Variants in CPNE9 observed in about 807,000 individuals in gnomAD.
CPNE9 encodes copine-9.
CPNE9 carries 59 observed loss-of-function variants against 83.0 expected under a neutral mutation model. The observed-to-expected ratio is 0.71, with a 90% confidence interval of 0.58 to 0.88. CPNE9 has a LOEUF of 0.88. Ranked by LOEUF, CPNE9 falls within the 40% of genes least tolerant of loss-of-function variation. The probability of loss-of-function intolerance (pLI) is 0.00; values close to 1 mark genes in which losing one functional copy is unlikely to be tolerated. For missense variants in CPNE9, 619 were observed against 720.8 expected (o/e 0.86, Z 1.62); for synonymous variants, 256 against 273.4 (o/e 0.94, Z 0.63).
chr3:9,709,603 C>T (rs925547205), intron 7 of CPNE9, among the ~76,000 whole-genome samples: 10 of 151,550 alleles, frequency 6.6e-5, no homozygotes, highest in Non-Finnish European at 1.5e-4. Flanking sequence ...CGCCTTACCT[C>T]GTGATCCACC....
chr3:9,728,081 T>A (rs56357590), intron 20 of CPNE9, among the ~76,000 whole-genome samples: 4,393 of 152,342 alleles, frequency 0.029, 74 homozygotes, highest in African/African-American at 0.057. Context: ...GGAGGAGATT[T>A]GGCAGAAAGA....
chr3:9,723,126 C>T (rs2076748237), intron 17 of CPNE9, among the ~76,000 whole-genome samples: 1 of 152,178 alleles, frequency 6.6e-6, no homozygotes, highest in African/African-American at 2.4e-5. Context: ...GGTACCAAGC[C>T]AGGTCTCTGA....
intron 7 of CPNE9, among the ~76,000 whole-genome samples, chr3:9,707,150 G>A (rs1322346046): frequency 2.6e-5 from 4 of 151,868 alleles, no homozygotes; most frequent in South Asian, 2.1e-4. Flanking sequence ...TCAGGAGATC[G>A]AGACCATCCT....
In CPNE9 at chr3:9,715,513, T is replaced by C; in HGVS notation, c.809T>C (p.Val270Ala). ...PRKKCKKKKY[V>A]NSGTVTLLSF... is the part of the protein sequence containing the mutation. ...AAGAAATGTAAGAAGAAGAAATATG[T>C]CAACTCAGGAACTGTGAGTGCTCCC... The change falls in exon 13 of 21, where the codon GTC becomes GCC. Residue 270 changes from valine (V) to alanine (A), a missense_variant. Around this residue, in one of 3 missense-constraint regions of CPNE9, gnomAD observed 438 missense variants for 562.9 expected, o/e 0.78. Transcript: ENST00000383832. 1 of 1,613,966 alleles carries C rather than the reference T, an allele frequency of 6.2e-7. No individual in the cohort carries two copies. Among genetic ancestry groups the C allele is most frequent in the Non-Finnish European group, 8.5e-7 (1 of 1,179,834 alleles).
rs1329404963 is a variant in CPNE9, at chr3:9,729,823, G to C, written c.*131G>C. On this transcript the variant is annotated 3_prime_UTR_variant, in exon 21 of 21. Transcript: ENST00000383832. ...TTGGAGGATCAGTGCTGGCTGACAA[G>C]CCCTCCGCCTCCTTGCCTGCAGAGG... 7.5e-7 allele frequency: 1 copy of C among 1,334,596 alleles called. No individual in the cohort carries two copies. The highest frequency in any genetic ancestry group is 1.5e-5 in the African/African-American group (1 of 67,952). 82.7% of individuals were successfully genotyped at this position (1,334,596 alleles called of 1,614,324 possible).
intron 19 of CPNE9, 105 bp downstream of exon 19, chr3:9,726,827 C>G: frequency 9.7e-7 from 1 of 1,028,482 alleles, no homozygotes; most frequent in Non-Finnish European, 1.5e-6. Context: ...GGTAGACACC[C>G]CCGTGTGAAG....
intron 17 of CPNE9, among the ~76,000 whole-genome samples, chr3:9,722,103 G>C (rs1448876449): frequency 2.0e-5 from 3 of 151,768 alleles, no homozygotes; most frequent in Non-Finnish European, 4.4e-5. Flanking sequence ...TTCTAGAAGA[G>C]ACGGAATTTC....
At chr3:9,711,120 G>A (rs113857662) in intron 7 of CPNE9, among the ~76,000 whole-genome samples, 10 of 152,112 alleles carry the variant, frequency 6.6e-5, no homozygotes, top group African/African-American at 1.9e-4. Context: ...TGGATGAGGT[G>A]GTAAGGGAGA....
intron 17 of CPNE9, among the ~76,000 whole-genome samples, chr3:9,721,229 G>C (rs2076731061): frequency 6.6e-6 from 1 of 152,178 alleles, no homozygotes; most frequent in African/African-American, 2.4e-5. Context: ...CTGTAGACCA[G>C]AGCTTCCCAG....
intron 17 of CPNE9, among the ~76,000 whole-genome samples, chr3:9,719,073 G>C (rs955601359): frequency 3.3e-4 from 50 of 152,034 alleles, no homozygotes; most frequent in African/African-American, 1.2e-3. Flanking sequence ...CCAACCTCAA[G>C]TGATCCACCT....
chr3:9,704,990 G>T lies in CPNE9; in HGVS notation c.256G>T (p.Asp86Tyr), dbSNP rs1473606936. Reference sequence around the variant, plus strand: ...TGAGGAAAAGCAAAATCTGCGCTTCGATGTGTGAGGCCCCGCCTGGAATTC... The same window carrying T: ...TGAGGAAAAGCAAAATCTGCGCTTCTATGTGTGAGGCCCCGCCTGGAATTC... ...FFEEKQNLRFDVYNVDSKTNI... is the reference protein window; with the variant it reads ...FFEEKQNLRFYVYNVDSKTNI... Residue 86 changes from aspartate (D) to tyrosine (Y), a missense_variant, in exon 4 of 21, where the codon GAT (aspartate) becomes TAT (tyrosine). By Grantham distance (160) the Asp-to-Tyr change is radical. Coordinates refer to ENST00000383832, the MANE Select transcript of CPNE9 (RefSeq NM_153635.3). This position sits in a 1 kb window ranked among gnomAD's most constrained non-coding sequence, Gnocchi z 7.1. The T allele has an allele frequency of 3.1e-6, 5 of 1,606,640 alleles. No homozygotes were observed. The highest frequency in any genetic ancestry group is 2.2e-5 in the South Asian group (2 of 90,094).
At chr3:9,720,080 A>C (rs1005881838) in intron 17 of CPNE9, among the ~76,000 whole-genome samples, 1 of 151,620 alleles carries the variant, frequency 6.6e-6, no homozygotes, top group African/African-American at 2.4e-5. Context: ...TGGCTTAAAA[A>C]ACCAGAGGGT....
chr3:9,725,604 G>GTGTATATA, intron 17 of CPNE9, among the ~76,000 whole-genome samples: 1 of 148,596 alleles, frequency 6.7e-6, no homozygotes, highest in Non-Finnish European at 1.5e-5. Flanking sequence ...ATGTGTATAT[G>GTGTATATA]TATGTGTATA....
rs188858301 is a variant in CPNE9 at position 9,709,441 on chromosome 3, C to T, written c.378-3100C>T. Among the ~76,000 whole-genome samples the T allele has an allele frequency of 9.3e-3, 1,379 of 148,910 alleles. 11 individuals are homozygous for T. Among genetic ancestry groups the T allele is most frequent in the Admixed American group, 0.013 (191 of 15,056 alleles). ...TGCAGTGGTGTGGTGTGATCTTGGC[C>T]CACTGCAACCTCTGCTGCCCGGGTT... On this transcript the variant is annotated intron_variant, in intron 7 of 20. Transcript: ENST00000383832.
chr3:9,713,756 T>A (rs113732776), intron 10 of CPNE9, among the ~76,000 whole-genome samples: 1 of 151,952 alleles, frequency 6.6e-6, no homozygotes, highest in African/African-American at 2.4e-5. Context: ...ACCAAATGAA[T>A]GAGTAAATGG....
chr3:9,707,217 G>C (rs1275840989), intron 7 of CPNE9, among the ~76,000 whole-genome samples: 2 of 151,972 alleles, frequency 1.3e-5, no homozygotes, highest in Non-Finnish European at 2.9e-5. Context: ...GCTAGGCATG[G>C]TGGTGGGTGC....
chr3:9,725,652 A>ATG (rs2076773627), intron 17 of CPNE9, among the ~76,000 whole-genome samples: 2 of 113,876 alleles, frequency 1.8e-5, no homozygotes, highest in African/African-American at 8.4e-5. Flanking sequence ...ATGTGTATAT[A>ATG]TGTGTATATA....
intron 16 of CPNE9, 24 bp downstream of exon 16, chr3:9,718,234 C>A: frequency 6.3e-7 from 1 of 1,575,660 alleles, no homozygotes; most frequent in Non-Finnish European, 8.6e-7. Flanking sequence ...CAGAGCTTAC[C>A]CTCCGTGCCC....
At chr3:9,715,711 T>C (rs912422784) in intron 13 of CPNE9, among the ~76,000 whole-genome samples, 185 bp downstream of exon 13, 3 of 152,246 alleles carry the variant, frequency 2.0e-5, no homozygotes, top group Non-Finnish European at 4.4e-5. Flanking sequence ...GAAATTTTTC[T>C]GACTTCACTC....
Sources: allele counts gnomAD v4.1 joint callset (sites outside exome capture counted in the v4.1 genomes callset), GRCh38; gene constraint gnomAD v4.1.1; regional missense constraint gnomAD v4.1.1; non-coding constraint Gnocchi (gnomAD v3.1); transcripts MANE v1.5; gene names NCBI Gene and HGNC (gene_info 2026-07-23, HGNC 2026-07-21).